TMEM132D: variants seen among roughly 807,000 people sequenced by gnomAD.
TMEM132D encodes the protein transmembrane protein 132D.
A neutral mutation model predicts 62.3 loss-of-function variants in TMEM132D; 21 were observed. The ratio of observed to expected loss-of-function variants is 0.34; its 90% CI spans 0.24 to 0.49. TMEM132D has a LOEUF of 0.49. Ranked by LOEUF, TMEM132D falls within the 20% of genes least tolerant of loss-of-function variation. The pLI, the probability that TMEM132D is intolerant of heterozygous loss-of-function variation, is 0.99. For missense variants in TMEM132D, 1,346 were observed against 1,402.8 expected (o/e 0.96, Z 0.65); for synonymous variants, 621 against 575.6 (o/e 1.08, Z -1.13).
chr12:129,864,180 GGA>G (rs1426595559), intron 1 of TMEM132D, among the ~76,000 whole-genome samples: 1 of 152,162 alleles, frequency 6.6e-6, no homozygotes, highest in Non-Finnish European at 1.5e-5. Flanking sequence ...TGGTCCAGGT[GGA>G]GAGAATTAAA....
intron 2 of TMEM132D, among the ~76,000 whole-genome samples, chr12:129,650,011 A>G (rs1879887758): frequency 6.6e-6 from 1 of 152,090 alleles, no homozygotes; most frequent in African/African-American, 2.4e-5. Flanking sequence ...AGAATACAAA[A>G]TATTGCAAAT....
chr12:129,502,338 C>T (rs950305775), intron 3 of TMEM132D, among the ~76,000 whole-genome samples: 3 of 152,148 alleles, frequency 2.0e-5, no homozygotes, highest in Non-Finnish European at 4.4e-5. Context: ...ACCATTGCTA[C>T]CATCAAGGTT....
In TMEM132D at chr12:129,081,853, A is replaced by G. The variant is rs776170130; in HGVS notation, c.1829T>C (p.Ile610Thr). The stretch of plus-strand genomic sequence containing the variant: ...CTCCTCCACCTGCATGAAGTCATTT[A>G]TCAGCTCCGTGATGTCCACTTGCCA... ...SDWQVDITEL[I>T]NDFMQVEEPR... The change falls in exon 7 of 9, where the codon ATA (isoleucine) becomes ACA (threonine). Residue 610 changes from isoleucine (I) to threonine (T), a missense_variant. Coordinates refer to ENST00000422113, the MANE Select transcript of TMEM132D (RefSeq NM_133448.3). 113 of 1,613,274 alleles carry G rather than the reference A, an allele frequency of 7.0e-5. 1 individual carries two copies. Among genetic ancestry groups the G allele is most frequent in the Non-Finnish European group, 9.5e-5 (112 of 1,179,968 alleles).
chr12:129,877,812 A>G (rs917766152), intron 1 of TMEM132D, among the ~76,000 whole-genome samples: 6 of 152,272 alleles, frequency 3.9e-5, no homozygotes, highest in African/African-American at 1.4e-4. Context: ...TAATGTCTTC[A>G]TATTAACCAC....
chr12:129,618,713 A>C (rs1341966814), intron 2 of TMEM132D, among the ~76,000 whole-genome samples: 3 of 152,198 alleles, frequency 2.0e-5, no homozygotes, highest in African/African-American at 7.2e-5. Flanking sequence ...CTGTGAACCC[A>C]AAAGTATTTG....
chr12:129,583,899 C>T (rs868781388), intron 2 of TMEM132D, among the ~76,000 whole-genome samples: 10 of 152,206 alleles, frequency 6.6e-5, no homozygotes, highest in Admixed American at 2.0e-4. Context: ...GTTTGTCAAC[C>T]TCTTTGATTA....
intron 2 of TMEM132D, among the ~76,000 whole-genome samples, chr12:129,532,709 T>C (rs896813425): frequency 1.3e-5 from 2 of 152,128 alleles, no homozygotes; most frequent in Admixed American, 6.5e-5. Context: ...GGACACTTTG[T>C]TGTCTTCTAG....
chr12:129,651,897 C>T (rs1010779633), intron 2 of TMEM132D, among the ~76,000 whole-genome samples: 3 of 152,088 alleles, frequency 2.0e-5, no homozygotes, highest in Non-Finnish European at 4.4e-5. Flanking sequence ...TTCAGTAAAT[C>T]GCAGTAAAAT....
chr12:129,337,364 C>T (rs934890969), intron 4 of TMEM132D, among the ~76,000 whole-genome samples: 31 of 151,848 alleles, frequency 2.0e-4, no homozygotes, highest in Admixed American at 1.9e-3. Context: ...AAATCTAATA[C>T]CTGGAGTTTA....
At chr12:129,535,023 A>G (rs1484000540) in intron 2 of TMEM132D, among the ~76,000 whole-genome samples, 1 of 152,226 alleles carries the variant, frequency 6.6e-6, no homozygotes, top group Admixed American at 6.5e-5. Context: ...GACTTCAAGA[A>G]CAAGGAAGTG....
At position 129,528,968 on chromosome 12, in the gene TMEM132D, A is replaced by G. The variant is rs75137726; in HGVS notation, c.1115+2091T>C. On this transcript the variant is annotated intron_variant, in intron 3 of 8. Transcript: ENST00000422113. ...AATGTACATCTATATGCATGCATGC[A>G]TTTGCATACCTATATCACATATATG... is the stretch of plus-strand genomic sequence containing the variant. Among the ~76,000 whole-genome samples the G allele has an allele frequency of 7.5e-3, 1,142 of 152,352 alleles. 35 individuals carry two copies. In the East Asian group the frequency reaches 0.096, roughly 13 times the overall value.
chr12:129,686,111 T>A (rs1880908664), intron 2 of TMEM132D, among the ~76,000 whole-genome samples: 1 of 152,072 alleles, frequency 6.6e-6, no homozygotes, highest in Admixed American at 6.6e-5. Context: ...CTAGAATGAG[T>A]TAAGACTTTG....
At chr12:129,335,285 T>C (rs933389946) in intron 4 of TMEM132D, among the ~76,000 whole-genome samples, 4 of 151,866 alleles carry the variant, frequency 2.6e-5, no homozygotes, top group Non-Finnish European at 5.9e-5. Context: ...GCATGTGCCA[T>C]CACACCTGGC....
chr12:129,081,894 G>T lies in TMEM132D; in HGVS notation c.1788C>A (p.His596Gln). The T allele has an allele frequency of 1.2e-6, 2 of 1,614,074 alleles. No individual in the cohort carries two copies. The highest frequency in any genetic ancestry group is 8.5e-7 in the Non-Finnish European group (1 of 1,180,038). ...EAAGPGGHLAHLLGSDWQVDI... is the reference protein window; with the variant it reads ...EAAGPGGHLAQLLGSDWQVDI... The stretch of plus-strand genomic sequence containing the variant: ...CCACTTGCCAGTCTGAGCCCAGCAG[G>T]TGGGCCAGGTGTCCCCCAGGGCCGG... Residue 596 changes from histidine (H) to glutamine (Q), a missense_variant, in exon 7 of 9, where the codon CAC (histidine) becomes CAA (glutamine). His to Gln is a conservative substitution (Grantham distance 24). Coordinates refer to ENST00000422113, the MANE Select transcript of TMEM132D (RefSeq NM_133448.3).
chr12:129,808,777 A>C (rs1872076053), intron 1 of TMEM132D, among the ~76,000 whole-genome samples: 1 of 152,286 alleles, frequency 6.6e-6, no homozygotes, highest in South Asian at 2.1e-4. Flanking sequence ...AGGAAGCCAT[A>C]GAGAACATGA....
chr12:129,186,010 T>C (rs1293831236), intron 5 of TMEM132D, among the ~76,000 whole-genome samples: 1 of 152,178 alleles, frequency 6.6e-6, no homozygotes, highest in Non-Finnish European at 1.5e-5. Flanking sequence ...GCTGGAGGGT[T>C]GCACCAGAGA....
At chr12:129,346,858 G>A (rs1396452492) in intron 3 of TMEM132D, among the ~76,000 whole-genome samples, 1 of 152,172 alleles carries the variant, frequency 6.6e-6, no homozygotes, top group Non-Finnish European at 1.5e-5. Context: ...CTTCGGCAAA[G>A]TCTTAGGATA....
chr12:129,493,992 C>T (rs923981965), intron 3 of TMEM132D, among the ~76,000 whole-genome samples: 5 of 152,182 alleles, frequency 3.3e-5, no homozygotes, highest in Admixed American at 2.6e-4. Flanking sequence ...AATGGGCATT[C>T]TAAGCTTCTT....
intron 2 of TMEM132D, among the ~76,000 whole-genome samples, chr12:129,642,680 C>T (rs539635075): frequency 6.6e-6 from 1 of 152,290 alleles, no homozygotes; most frequent in Non-Finnish European, 1.5e-5. Flanking sequence ...TTTTCCAAAC[C>T]TTAGCTATTC....
Sources: allele counts gnomAD v4.1 joint callset (sites outside exome capture counted in the v4.1 genomes callset), GRCh38; gene constraint gnomAD v4.1.1; transcripts MANE v1.5; gene names NCBI Gene and HGNC (gene_info 2026-07-23, HGNC 2026-07-21).